GRM1: variants seen among roughly 807,000 people sequenced by gnomAD.
GRM1 encodes the protein glutamate metabotropic receptor 1.
A neutral mutation model predicts 90.9 loss-of-function variants in GRM1; 33 were observed. The observed-to-expected ratio is 0.36, with a 90% CI of 0.28 to 0.49. The LOEUF is 0.49. GRM1 is among the 20% of genes least tolerant of loss of function. The probability of loss-of-function intolerance (pLI) is 0.99; values close to 1 mark genes in which losing one functional copy is unlikely to be tolerated. For missense variants in GRM1, 1,190 were observed against 1,534.3 expected (o/e 0.78, Z 3.75); for synonymous variants, 700 against 613.2 (o/e 1.14, Z -2.09).
intron 2 of GRM1, among the ~76,000 whole-genome samples, chr6:146,213,586 C>A (rs1223771408): frequency 6.6e-6 from 1 of 152,010 alleles, no homozygotes; most frequent in Non-Finnish European, 1.5e-5. Flanking sequence ...TTAATGTATT[C>A]TTTCATTTCA....
intron 3 of GRM1, among the ~76,000 whole-genome samples, chr6:146,342,305 T>A (rs905176907): frequency 6.6e-6 from 1 of 152,204 alleles, no homozygotes; most frequent in Admixed American, 6.5e-5. Flanking sequence ...CATGGCAACA[T>A]TACATGTGAT....
chr6:146,103,586 A>G (rs1277585707), intron 1 of GRM1, among the ~76,000 whole-genome samples: 1 of 152,130 alleles, frequency 6.6e-6, no homozygotes, highest in Admixed American at 6.5e-5. Context: ...GCTAATCTTC[A>G]TCTTAGAGTC....
intron 1 of GRM1, among the ~76,000 whole-genome samples, chr6:146,051,348 T>C (rs1443709439): frequency 6.6e-6 from 1 of 152,048 alleles, no homozygotes; most frequent in Non-Finnish European, 1.5e-5. Context: ...TAGCTTCTAT[T>C]GGAAGTGACT....
At chr6:146,194,527 T>C (rs1779051291) in intron 2 of GRM1, among the ~76,000 whole-genome samples, 1 of 152,266 alleles carries the variant, frequency 6.6e-6, no homozygotes, top group Non-Finnish European at 1.5e-5. Context: ...AGAGTTTCTT[T>C]TTTTACAACA....
chr6:146,413,246 T>C (rs1343948558), intron 7 of GRM1, among the ~76,000 whole-genome samples: 1 of 152,146 alleles, frequency 6.6e-6, no homozygotes, highest in Non-Finnish European at 1.5e-5. Context: ...CCAAATCTGA[T>C]AATAATCTTT....
At chr6:146,377,571 T>C (rs556824997) in intron 5 of GRM1, among the ~76,000 whole-genome samples, 5 of 152,058 alleles carry the variant, frequency 3.3e-5, no homozygotes, top group African/African-American at 1.2e-4. Context: ...AGGATAAAAG[T>C]TTGGAAGATT....
At chr6:146,306,651 G>C (rs570877270) in intron 3 of GRM1, among the ~76,000 whole-genome samples, 1 of 152,070 alleles carries the variant, frequency 6.6e-6, no homozygotes, top group African/African-American at 2.4e-5. Flanking sequence ...TTTCATTCAG[G>C]GTAGGGAGTT....
intron 7 of GRM1, chr6:146,426,793 T>A: frequency 1.7e-6 from 1 of 601,210 alleles, no homozygotes; most frequent in East Asian, 2.8e-5. Context: ...CTGCCTTAAA[T>A]TGATTGTCCA....
chr6:146,062,662 T>G (rs1440804530), intron 1 of GRM1, among the ~76,000 whole-genome samples: 1 of 152,130 alleles, frequency 6.6e-6, no homozygotes, highest in African/African-American at 2.4e-5. Context: ...TCTAATCTAT[T>G]TTTGTTCTGT....
chr6:146,100,865 A>G (rs749657948), intron 1 of GRM1, among the ~76,000 whole-genome samples: 4 of 152,216 alleles, frequency 2.6e-5, no homozygotes, highest in Admixed American at 6.5e-5. Context: ...TTGGAAGCCA[A>G]TGTGGGAAGA....
intron 2 of GRM1, among the ~76,000 whole-genome samples, chr6:146,213,927 G>A (rs868812959): frequency 1.9e-4 from 29 of 152,094 alleles, no homozygotes; most frequent in Admixed American, 1.0e-3. Flanking sequence ...TAAGAACCTA[G>A]GGGGCCATTG....
intron 1 of GRM1, among the ~76,000 whole-genome samples, chr6:146,106,768 C>T (rs1048626711): frequency 3.3e-5 from 5 of 152,178 alleles, no homozygotes; most frequent in African/African-American, 7.2e-5. Flanking sequence ...TAGTTGACCT[C>T]GTGGTGTCAT....
At chr6:146,386,280 T>C (rs1435941557) in intron 5 of GRM1, among the ~76,000 whole-genome samples, 2 of 152,078 alleles carry the variant, frequency 1.3e-5, no homozygotes, top group Admixed American at 1.3e-4. Flanking sequence ...TCTCCAGTAA[T>C]TTTGAACTAG....
At chr6:146,238,202 A>G (rs527503158) in intron 2 of GRM1, among the ~76,000 whole-genome samples, 87 of 152,310 alleles carry the variant, frequency 5.7e-4, no homozygotes, top group South Asian at 2.1e-3. Flanking sequence ...ATTTGGTTTT[A>G]CTAATATGCT....
intron 5 of GRM1, chr6:146,364,882 C>T (rs990438807): frequency 1.3e-5 from 2 of 151,760 alleles, no homozygotes; most frequent in Non-Finnish European, 2.9e-5. Flanking sequence ...GTATAATTAT[C>T]AAACCAGCTA....
intron 2 of GRM1, among the ~76,000 whole-genome samples, chr6:146,162,574 T>G (rs1777767450): frequency 6.6e-6 from 1 of 152,142 alleles, no homozygotes; most frequent in African/African-American, 2.4e-5. Flanking sequence ...AAAGTGATCT[T>G]CTAAGAAATT....
chr6:146,132,881 T>C (rs150451355), intron 1 of GRM1, among the ~76,000 whole-genome samples: 2 of 152,354 alleles, frequency 1.3e-5, no homozygotes, highest in African/African-American at 4.8e-5. Context: ...ATTTCTTCCA[T>C]TTGTTTGTCT....
At chr6:146,107,734 C>T (rs762825216) in intron 1 of GRM1, among the ~76,000 whole-genome samples, 7 of 152,134 alleles carry the variant, frequency 4.6e-5, no homozygotes, top group Admixed American at 1.3e-4. Flanking sequence ...ATGGAGTCTG[C>T]GAGTTACCTT....
intron 2 of GRM1, among the ~76,000 whole-genome samples, chr6:146,273,983 G>A (rs1255091932): frequency 6.6e-6 from 1 of 152,176 alleles, no homozygotes; most frequent in Non-Finnish European, 1.5e-5. Context: ...ATGTGATTAT[G>A]CAGATGCATA....
Sources: allele counts gnomAD v4.1 joint callset (sites outside exome capture counted in the v4.1 genomes callset), GRCh38; gene constraint gnomAD v4.1.1; transcripts MANE v1.5; gene names NCBI Gene and HGNC (gene_info 2026-07-23, HGNC 2026-07-21).